SIRPG: variants seen among roughly 807,000 people sequenced by gnomAD.
SIRPG encodes the protein signal regulatory protein gamma.
In SIRPG, 38 loss-of-function variants were observed where a neutral mutation model predicts 35.7. That is an observed-to-expected ratio of 1.06 (90% CI 0.82 to 1.40). The LOEUF (loss-of-function observed/expected upper bound fraction) is 1.40. SIRPG is among the 40% of genes most tolerant of loss of function. SIRPG has a pLI of 0.00. For missense variants in SIRPG, 519 were observed against 483.0 expected, an observed-to-expected ratio of 1.07 and a Z score of -0.70; for synonymous variants, 215 against 190.4, an observed-to-expected ratio of 1.13 and a Z score of -1.06.
At position 1,636,489 on chromosome 20, in the gene SIRPG, G is replaced by A. The variant is rs760251865; in HGVS notation, c.447C>T (p.Pro149=). 1.1e-5 allele frequency: 17 copies of A among 1,613,978 alleles called. No individual in the cohort carries two copies. Among genetic ancestry groups the A allele is most frequent in the East Asian group, 4.5e-5 (2 of 44,894 alleles). ...TCCTCGCCGCAGGGCCCAATACCACGGGGGCAGAGGGTTTGGCTACAAAAG... is the reference window on the plus strand; with the variant it reads ...TCCTCGCCGCAGGGCCCAATACCACAGGGGCAGAGGGTTTGGCTACAAAAG... ...EMALGAKPSA[P]VVLGPAARTT... is the part of the protein sequence containing the mutation. The change falls in exon 3 of 6, where the codon CCC becomes CCT. Residue 149 remains proline (P), a synonymous_variant. Coordinates refer to ENST00000303415, the MANE Select transcript of SIRPG (RefSeq NM_018556.4).
At chr20:1,647,789 C>T (rs529901567) in intron 2 of SIRPG, 1 of 152,324 alleles carries the variant, frequency 6.6e-6, no homozygotes, top group South Asian at 2.1e-4. Flanking sequence ...AAGAAGTTTT[C>T]CAATCACCAA....
chr20:1,652,999 G>A (rs922243142), intron 1 of SIRPG, among the ~76,000 whole-genome samples: 32 of 152,186 alleles, frequency 2.1e-4, no homozygotes, highest in South Asian at 2.1e-4. Flanking sequence ...GTTTGCTCCT[G>A]TGGAATTTGA....
chr20:1,668,204 TTTCTTTC>T, the SIRPG span, among the ~76,000 whole-genome samples: 257 of 40,922 alleles, frequency 6.3e-3, 2 homozygotes, highest in African/African-American at 0.012. Context: ...TTTTCTTTTC[TTTCTTTC>T]TTTCTTTCTT....
chr20:1,651,877 A>G (rs920607198), intron 1 of SIRPG, among the ~76,000 whole-genome samples: 8 of 152,220 alleles, frequency 5.3e-5, no homozygotes, highest in Admixed American at 2.0e-4. Context: ...AGGATGTTAT[A>G]GCAACCTCTT....
In SIRPG at chr20:1,635,269, G is replaced by A; in HGVS notation, c.1079C>T (p.Pro360Leu). Residue 360 changes from proline (P) to leucine (L), a missense_variant and splice_region_variant, in exon 4 of 6, where the codon CCT becomes CTT. By Grantham distance (98) the Pro-to-Leu change is moderately conservative. Transcript: ENST00000303415. ...HQKDQSSDAT[P>L]GPASSLTALL... ...TTAAAAATTTTGAGTAACCTCACCAGGGGTAGCATCTGAGCTCTGGTCCTT... is the reference window on the plus strand; with the variant it reads ...TTAAAAATTTTGAGTAACCTCACCAAGGGTAGCATCTGAGCTCTGGTCCTT... 9 of 1,600,574 alleles carry A rather than the reference G, an allele frequency of 5.6e-6. No homozygotes were observed. Among genetic ancestry groups the A allele is most frequent in the Non-Finnish European group, 7.7e-6 (9 of 1,170,606 alleles).
chr20:1,681,929 G>A, the SIRPG span, among the ~76,000 whole-genome samples: 1 of 148,092 alleles, frequency 6.8e-6, no homozygotes, highest in African/African-American at 2.4e-5. Context: ...GAGGATATAG[G>A]TATGACTATG....
the SIRPG span, among the ~76,000 whole-genome samples, chr20:1,684,608 G>A: frequency 6.6e-6 from 1 of 152,234 alleles, no homozygotes; most frequent in Non-Finnish European, 1.5e-5. Flanking sequence ...AACTCTGAGT[G>A]TCACTTCTCT....
At chr20:1,668,171 T>TTTTCTTTC in the SIRPG span, among the ~76,000 whole-genome samples, 177 of 62,912 alleles carry the variant, frequency 2.8e-3, no homozygotes, top group African/African-American at 8.6e-3. Flanking sequence ...TTTTCTTTTC[T>TTTTCTTTC]TTTCTTTCTT....
At position 1,657,509 on chromosome 20, in the gene SIRPG, C is replaced by G. The variant is rs186840036; in HGVS notation, c.73+133G>C. The G allele has an allele frequency of 2.5e-4, 213 of 865,050 alleles. 1 individual carries two copies. In the East Asian group the frequency reaches 3.4e-3, roughly 14 times the overall value. The allele number at this position is 865,050 out of a possible 1,614,324, so 53.6% of individuals were successfully genotyped here. ...AGAAAGTGCTCAGCTCCCTGATCTT[C>G]TGCTCTTGGACAATGTCCAGTCCTT... is the stretch of plus-strand genomic sequence containing the variant. On this transcript the variant is annotated intron_variant, in intron 1 of 5. Transcript: ENST00000303415.
intron 2 of SIRPG, chr20:1,648,340 C>T (rs1324102067): frequency 6.6e-6 from 1 of 152,296 alleles, no homozygotes; most frequent in Non-Finnish European, 1.5e-5. Context: ...AATAGACCCA[C>T]AGCAAATGCG....
chr20:1,630,274 T>C lies in SIRPG; in HGVS notation c.1114A>G (p.Ile372Val). The C allele has an allele frequency of 1.9e-6, 3 of 1,573,452 alleles. No homozygotes were observed. The highest frequency in any genetic ancestry group is 2.6e-6 in the Non-Finnish European group (3 of 1,158,806). The part of the protein sequence containing the change: ...PASSLTALLL[I>V]AVLLGPIYVP... ...TAGATGGGGCCCAGGAGGACAGCTA[T>C]GAGGAGCAGCGCAGTAAGGGATGAT... The change falls in exon 5 of 6, where the codon ATA becomes GTA. Residue 372 changes from isoleucine (I) to valine (V), a missense_variant. Transcript: ENST00000303415.
At chr20:1,666,798 T>C in the SIRPG span, among the ~76,000 whole-genome samples, 1 of 152,160 alleles carries the variant, frequency 6.6e-6, no homozygotes, top group Non-Finnish European at 1.5e-5. Flanking sequence ...GCTCCATTCA[T>C]GAGAAGTGCC....
chr20:1,631,930 G>A (rs1331591866), intron 4 of SIRPG, among the ~76,000 whole-genome samples: 1 of 152,226 alleles, frequency 6.6e-6, no homozygotes, highest in Non-Finnish European at 1.5e-5. Context: ...TTAAGGTTCA[G>A]CGTGAAAGCA....
rs2091809955 is a variant in SIRPG, at chr20:1,637,122, G to C, written c.431-617C>G. ...TAAACACAGATCTGTCTTTAATCCA[G>C]ACTTGACATATACCTAGAGCTCTCT... On this transcript the variant is annotated intron_variant, in intron 2 of 5. Transcript: ENST00000303415. 4.0e-5 allele frequency: 7 copies of C among 173,520 alleles called. No homozygotes were observed. In the Admixed American group the frequency reaches 4.1e-4, roughly 10 times the overall value. The allele number at this position is 173,520 out of a possible 1,614,324, so 10.7% of individuals were successfully genotyped here. A position where few individuals can be genotyped will look rare whatever the true frequency, so the allele number is the denominator to read the frequency against.
chr20:1,672,562 A>C, the SIRPG span, among the ~76,000 whole-genome samples: 4 of 152,206 alleles, frequency 2.6e-5, no homozygotes, highest in East Asian at 5.8e-4. Context: ...TGCAGTTTAG[A>C]ATTTTTGCCC....
rs769421642 is a variant in SIRPG, at chr20:1,649,293, G to A, written c.189C>T (p.Pro63=). The A allele has an allele frequency of 3.8e-5, 62 of 1,614,060 alleles. 1 individual carries two copies. Among genetic ancestry groups the A allele is most frequent in the South Asian group, 3.7e-4 (34 of 91,074 alleles). Reference sequence around the variant, plus strand: ...GTCCAACTCCTCTGAACCACAGGACGGGTCCCACGGGAAGCAGGGAGGTCA... The same window carrying A: ...GTCCAACTCCTCTGAACCACAGGACAGGTCCCACGGGAAGCAGGGAGGTCA... ...CTVTSLLPVG[P]VLWFRGVGPG... Residue 63 remains proline, a synonymous_variant, in exon 2 of 6, where the codon CCC becomes CCT. Transcript: ENST00000303415.
chr20:1,679,446 T>C, the SIRPG span, among the ~76,000 whole-genome samples: 1 of 152,068 alleles, frequency 6.6e-6, no homozygotes, highest in Non-Finnish European at 1.5e-5. Flanking sequence ...CATTAAAACA[T>C]ACCAGTGAAT....
At chr20:1,645,632 C>T (rs2064203487) in intron 2 of SIRPG, among the ~76,000 whole-genome samples, 1 of 152,206 alleles carries the variant, frequency 6.6e-6, no homozygotes, top group South Asian at 2.1e-4. Flanking sequence ...GCTCTCCCTA[C>T]AGTCTGTGAT....
rs190760867 is a variant in SIRPG, at chr20:1,656,200, A to C, written c.73+1442T>G. Among the ~76,000 whole-genome samples the C allele has an allele frequency of 2.6e-3, 396 of 152,332 alleles. 4 individuals carry two copies. The highest frequency in any genetic ancestry group is 9.2e-3 in the African/African-American group (384 of 41,558). On this transcript the variant is annotated intron_variant, in intron 1 of 5. Transcript: ENST00000303415. The stretch of plus-strand genomic sequence containing the variant: ...CCTGCATTTTCTAATATTTCTACAC[A>C]TAGCATAACATGGTTAAAAGGGTGA...
Sources: allele counts gnomAD v4.1 joint callset (sites outside exome capture counted in the v4.1 genomes callset), GRCh38; gene constraint gnomAD v4.1.1; transcripts MANE v1.5; gene names NCBI Gene and HGNC (gene_info 2026-07-23, HGNC 2026-07-21).